The following RPS6KC1 variants were observed in gnomAD, a reference collection of about 807,000 sequenced individuals.
RPS6KC1 encodes the protein inactive ribosomal protein S6 kinase delta-1.
A neutral mutation model predicts 103.8 loss-of-function variants in RPS6KC1; 54 were observed. The ratio of observed to expected loss-of-function variants is 0.52; its 90% CI spans 0.42 to 0.65. The LOEUF (loss-of-function observed/expected upper bound fraction) is 0.65, where lower values mean the gene tolerates loss of function less well. RPS6KC1 is among the 30% of genes least tolerant of loss of function. The pLI is 0.00. For synonymous variants in RPS6KC1, 439 were observed against 438.7 expected (o/e 1.00, Z -0.01); for missense variants, 1,151 against 1,253.8 (o/e 0.92, Z 1.24).
chr1:213,446,131 G>A, the RPS6KC1 span, among the ~76,000 whole-genome samples: 5 of 152,128 alleles, frequency 3.3e-5, no homozygotes, highest in African/African-American at 7.2e-5. Context: ...GGGCTTCAAG[G>A]GCCTGCATGA....
the RPS6KC1 span, among the ~76,000 whole-genome samples, chr1:213,327,226 GAAAGAAAAGA>G: frequency 4.2e-5 from 2 of 47,922 alleles, no homozygotes; most frequent in Non-Finnish European, 1.1e-4. Flanking sequence ...AATGGGGAAA[GAAAGAAAAGA>G]AAAGAAAGAA....
At chr1:213,559,465 A>C in the RPS6KC1 span, among the ~76,000 whole-genome samples, 1 of 152,230 alleles carries the variant, frequency 6.6e-6, no homozygotes, top group Non-Finnish European at 1.5e-5. Context: ...GATAAAATAA[A>C]TTGGCAAATG....
the RPS6KC1 span, among the ~76,000 whole-genome samples, chr1:213,313,809 C>T: frequency 2.5e-4 from 38 of 152,136 alleles, no homozygotes; most frequent in East Asian, 6.6e-3. Context: ...AAAAATTAGC[C>T]GGGTGTGGTG....
At chr1:213,181,771 TA>T (rs2092282377) in intron 8 of RPS6KC1, among the ~76,000 whole-genome samples, 1 of 152,196 alleles carries the variant, frequency 6.6e-6, no homozygotes, top group Non-Finnish European at 1.5e-5. Context: ...AAAATAAAGG[TA>T]TTCTCAGATG....
the RPS6KC1 span, among the ~76,000 whole-genome samples, chr1:213,343,554 C>G: frequency 6.6e-6 from 1 of 150,464 alleles, no homozygotes; most frequent in Non-Finnish European, 1.5e-5. Context: ...GAAAGAAAAA[C>G]CAAACGTTGT....
At chr1:213,357,476 A>C in the RPS6KC1 span, among the ~76,000 whole-genome samples, 2 of 152,308 alleles carry the variant, frequency 1.3e-5, no homozygotes, top group South Asian at 4.1e-4. Context: ...AAAGATTAGA[A>C]TCGGAAAGCA....
the RPS6KC1 span, among the ~76,000 whole-genome samples, chr1:213,598,605 A>G: frequency 3.9e-5 from 6 of 152,340 alleles, no homozygotes; most frequent in African/African-American, 1.2e-4. Context: ...CTGGGGACTC[A>G]GTATTTTAAT....
chr1:213,282,712 G>A, the RPS6KC1 span, among the ~76,000 whole-genome samples: 3 of 152,192 alleles, frequency 2.0e-5, no homozygotes, highest in Non-Finnish European at 4.4e-5. Flanking sequence ...AAATTAATTA[G>A]CACATAATAA....
At chr1:213,379,781 G>A in the RPS6KC1 span, among the ~76,000 whole-genome samples, 2 of 152,056 alleles carry the variant, frequency 1.3e-5, no homozygotes, top group East Asian at 1.9e-4. Flanking sequence ...GTGAGGTCCC[G>A]TCTCACACCA....
chr1:213,155,869 G>A (rs182805336), intron 6 of RPS6KC1, among the ~76,000 whole-genome samples: 38 of 152,184 alleles, frequency 2.5e-4, no homozygotes, highest in Admixed American at 2.4e-3. Context: ...CTCTCAAATC[G>A]TAAAAGCAAG....
chr1:213,309,671 CCTCTT>C, the RPS6KC1 span, among the ~76,000 whole-genome samples: 2 of 152,086 alleles, frequency 1.3e-5, no homozygotes, highest in South Asian at 2.1e-4. Flanking sequence ...GCTTGATTCT[CCTCTT>C]CTCTTAGTTA....
chr1:213,207,345 C>A (rs1037577513), intron 8 of RPS6KC1, among the ~76,000 whole-genome samples: 3 of 152,150 alleles, frequency 2.0e-5, no homozygotes, highest in Non-Finnish European at 4.4e-5. Context: ...TAGGAAAAAA[C>A]TAACTCAGGA....
chr1:213,115,959 A>T (rs575887115), intron 4 of RPS6KC1, among the ~76,000 whole-genome samples: 17 of 151,972 alleles, frequency 1.1e-4, no homozygotes, highest in African/African-American at 4.1e-4. Flanking sequence ...TGCTGAGGAG[A>T]GCTTTACTTC....
At chr1:213,182,560 T>C (rs2092320665) in intron 8 of RPS6KC1, among the ~76,000 whole-genome samples, 2 of 151,478 alleles carry the variant, frequency 1.3e-5, no homozygotes, top group Non-Finnish European at 1.5e-5. Flanking sequence ...CCCACAAAAA[T>C]TCAGGAAAAT....
chr1:213,084,184 C>G (rs1337428369), intron 3 of RPS6KC1, among the ~76,000 whole-genome samples: 3 of 152,078 alleles, frequency 2.0e-5, no homozygotes, highest in African/African-American at 7.2e-5. Flanking sequence ...TCTCCCTCTT[C>G]CCCTTTCTCC....
chr1:213,433,164 T>C, the RPS6KC1 span, among the ~76,000 whole-genome samples: 1 of 152,206 alleles, frequency 6.6e-6, no homozygotes, highest in African/African-American at 2.4e-5. Flanking sequence ...ACCACGTTCC[T>C]AGCTCATGGA....
intron 10 of RPS6KC1, among the ~76,000 whole-genome samples, chr1:213,235,102 G>C (rs1201273327): frequency 3.3e-5 from 5 of 152,182 alleles, no homozygotes; most frequent in Non-Finnish European, 7.3e-5. Flanking sequence ...AGTTATTACT[G>C]AGAAAGCAAA....
the RPS6KC1 span, among the ~76,000 whole-genome samples, chr1:213,529,565 G>A: frequency 6.6e-6 from 1 of 152,180 alleles, no homozygotes; most frequent in South Asian, 2.1e-4. Flanking sequence ...TTTGTAACAT[G>A]CTTAGATATT....
At chr1:213,115,682 T>C (rs1432222689) in intron 4 of RPS6KC1, among the ~76,000 whole-genome samples, 5 of 151,968 alleles carry the variant, frequency 3.3e-5, no homozygotes, top group Non-Finnish European at 7.4e-5. Flanking sequence ...CTTTCTCTTG[T>C]GGGCATTTAG....
Sources: gnomAD v4.1 joint callset for allele counts (sites outside exome capture counted in the v4.1 genomes callset) on GRCh38, gnomAD v4.1.1 for gene constraint, MANE v1.5 for transcripts, NCBI Gene and HGNC (gene_info 2026-07-23, HGNC 2026-07-21) for gene names.